Variants in TUSC3 observed in about 807,000 individuals in gnomAD.
TUSC3 encodes the protein dolichyl-diphosphooligosaccharide--protein glycosyltransferase subunit TUSC3.
A neutral mutation model predicts 44.8 loss-of-function variants in TUSC3; 45 were observed. The observed-to-expected ratio is 1.00, with a 90% CI of 0.79 to 1.29. TUSC3 has a LOEUF of 1.29. Ranked by LOEUF, TUSC3 falls within the 50% of genes most tolerant of loss-of-function variation. TUSC3 has a pLI of 0.00. For missense variants in TUSC3, 519 were observed against 437.9 expected, an observed-to-expected ratio of 1.19 and a Z score of -1.65; for synonymous variants, 212 against 152.9, an observed-to-expected ratio of 1.39 and a Z score of -2.85.
chr8:15,637,564 A>G (rs918106441), intron 2 of TUSC3, among the ~76,000 whole-genome samples: 7 of 151,932 alleles, frequency 4.6e-5, no homozygotes, highest in Non-Finnish European at 7.4e-5. Context: ...TTTTAGGGAA[A>G]TTTTTTATCA....
intron 6 of TUSC3, among the ~76,000 whole-genome samples, chr8:15,693,271 A>G (rs980812390): frequency 2.6e-5 from 4 of 152,020 alleles, no homozygotes; most frequent in African/African-American, 4.8e-5. Flanking sequence ...GTATTTAAGT[A>G]TATTTTTATA....
the TUSC3 span, among the ~76,000 whole-genome samples, chr8:15,824,189 A>G: frequency 1.3e-5 from 2 of 152,232 alleles, no homozygotes; most frequent in Non-Finnish European, 1.5e-5. Flanking sequence ...AACTAGTCAC[A>G]GAAGTGGAAG....
At chr8:15,420,519 T>C (rs371865424) in intron 1 of TUSC3, among the ~76,000 whole-genome samples, 5 of 151,932 alleles carry the variant, frequency 3.3e-5, no homozygotes, top group East Asian at 3.9e-4. Context: ...AAAAAAGTTG[T>C]GTGGAATCTG....
intron 1 of TUSC3, among the ~76,000 whole-genome samples, chr8:15,605,280 T>C (rs1283056622): frequency 1.3e-5 from 2 of 151,926 alleles, no homozygotes; most frequent in Non-Finnish European, 1.5e-5. Flanking sequence ...GAATCAAAAT[T>C]ACTTGTCTTT....
At chr8:15,504,577 GGATATATATATATA>G (rs1461095317) in intron 2 of TUSC3, among the ~76,000 whole-genome samples, 888 of 54,754 alleles carry the variant, frequency 0.016, 13 homozygotes, top group South Asian at 0.049. Context: ...GCAACTTTCA[GGATATATATATATA>G]TATATATATA....
At position 15,434,733 on chromosome 8, in the gene TUSC3, T is replaced by C. The variant is rs528483544; in HGVS notation, n.91+17428T>C. Among the ~76,000 whole-genome samples, 3 of 151,748 alleles carry C rather than the reference T, an allele frequency of 2.0e-5. No homozygotes were observed. The South Asian group carries it at 6.3e-4, about 32-fold the overall frequency. On this transcript the variant is annotated intron_variant and non_coding_transcript_variant, in intron 1 of 5. Coordinates refer to the TUSC3 transcript ENST00000503191. ...CCGGTGTGTGATATTCCCCTTGCTG[T>C]GTCCGTGTGTTCTCATTGTTCAGTT... is the stretch of plus-strand genomic sequence containing the variant.
intron 6 of TUSC3, among the ~76,000 whole-genome samples, chr8:15,687,133 A>G (rs574114038): frequency 6.6e-6 from 1 of 152,310 alleles, no homozygotes; most frequent in East Asian, 1.9e-4. Flanking sequence ...TTAAGGATAT[A>G]CAGAAATCTT....
At chr8:15,668,974 CAGAGT>C (rs1807807725) in intron 5 of TUSC3, among the ~76,000 whole-genome samples, 1 of 151,656 alleles carries the variant, frequency 6.6e-6, no homozygotes. Context: ...TTCTAAAAAG[CAGAGT>C]AGAGTATTTT....
chr8:15,744,498 C>G (rs1487622735), intron 8 of TUSC3, among the ~76,000 whole-genome samples: 1 of 151,930 alleles, frequency 6.6e-6, no homozygotes, highest in Non-Finnish European at 1.5e-5. Context: ...GTATAGGTAT[C>G]TGAAAAAGAG....
intron 2 of TUSC3, among the ~76,000 whole-genome samples, chr8:15,489,763 G>A (rs1418374263): frequency 6.6e-6 from 1 of 152,162 alleles, no homozygotes; most frequent in East Asian, 1.9e-4. Flanking sequence ...AATGAGGCAT[G>A]TCTGACCCTC....
At chr8:15,582,553 A>G (rs1048767666) in intron 1 of TUSC3, among the ~76,000 whole-genome samples, 5 of 152,192 alleles carry the variant, frequency 3.3e-5, no homozygotes, top group Admixed American at 1.3e-4. Context: ...GAGACTAAAC[A>G]TTAAAGGTCC....
chr8:15,685,319 G>C (rs187668360), intron 6 of TUSC3, among the ~76,000 whole-genome samples: 1 of 151,042 alleles, frequency 6.6e-6, no homozygotes, highest in Non-Finnish European at 1.5e-5. Flanking sequence ...AGTGCCCAGC[G>C]ACTCTGAGTG....
chr8:15,441,120 G>T (rs1168257176), intron 1 of TUSC3, among the ~76,000 whole-genome samples: 5 of 152,202 alleles, frequency 3.3e-5, no homozygotes, highest in African/African-American at 1.2e-4. Context: ...AATCAAGTAA[G>T]TGATGGCCAG....
chr8:15,845,636 T>C, the TUSC3 span, among the ~76,000 whole-genome samples: 1 of 152,168 alleles, frequency 6.6e-6, no homozygotes, highest in East Asian at 1.9e-4. Context: ...CTGACCCTTT[T>C]GTAGCCCTGA....
At chr8:15,834,043 G>C in the TUSC3 span, among the ~76,000 whole-genome samples, 1 of 151,732 alleles carries the variant, frequency 6.6e-6, no homozygotes, top group African/African-American at 2.4e-5. Context: ...CTATTTATGA[G>C]TATCACAATG....
At chr8:15,762,586 T>C (rs567506387) in intron 10 of TUSC3, among the ~76,000 whole-genome samples, 1 of 152,250 alleles carries the variant, frequency 6.6e-6, no homozygotes, top group East Asian at 1.9e-4. Context: ...TTACCTTTAG[T>C]GCTCCGTAAC....
intron 2 of TUSC3, among the ~76,000 whole-genome samples, chr8:15,532,279 A>G (rs1801460649): frequency 6.6e-6 from 1 of 152,194 alleles, no homozygotes; most frequent in East Asian, 1.9e-4. Flanking sequence ...ATACATGAAC[A>G]CTGGGAATAA....
chr8:15,834,965 G>A, the TUSC3 span, among the ~76,000 whole-genome samples: 220 of 152,292 alleles, frequency 1.4e-3, 3 homozygotes, highest in South Asian at 0.021. Flanking sequence ...GCACAGGTTA[G>A]GACATGCAAG....
At chr8:15,449,394 C>A in intron 1 of TUSC3, among the ~76,000 whole-genome samples, 1 of 152,114 alleles carries the variant, frequency 6.6e-6, no homozygotes, top group East Asian at 1.9e-4. Context: ...GCAGAGGACA[C>A]GGAAATGTTA....
Sources: allele counts gnomAD v4.1 joint callset (sites outside exome capture counted in the v4.1 genomes callset), GRCh38; gene constraint gnomAD v4.1.1; transcripts MANE v1.5; gene names NCBI Gene and HGNC (gene_info 2026-07-23, HGNC 2026-07-21).